SLAMF9: variants seen among roughly 807,000 people sequenced by gnomAD.
SLAMF9 encodes CD2 family member 10.
In SLAMF9, 25 loss-of-function variants were observed where a neutral mutation model predicts 30.4. The observed-to-expected ratio is 0.82, with a 90% CI of 0.60 to 1.15. SLAMF9 has a LOEUF of 1.15. Ranked by LOEUF, SLAMF9 falls within the 50% of genes most tolerant of loss-of-function variation. The pLI is 0.00. For synonymous variants in SLAMF9, 129 were observed against 127.2 expected (o/e 1.01, Z -0.09); for missense variants, 344 against 346.1 (o/e 0.99, Z 0.05).
At chr1:159,968,550 C>G in the SLAMF9 span, among the ~76,000 whole-genome samples, 1 of 152,240 alleles carries the variant, frequency 6.6e-6, no homozygotes, top group African/African-American at 2.4e-5. Context: ...TGGTACTCTT[C>G]TCTCTTGGTC....
chr1:159,955,261 C>A (rs1438044099), upstream of SLAMF9, among the ~76,000 whole-genome samples: 5 of 152,168 alleles, frequency 3.3e-5, no homozygotes, highest in African/African-American at 1.2e-4. Flanking sequence ...AGCTTCCTGG[C>A]AGTCAAAGCT....
chr1:159,955,860 A>T (rs1651911043), upstream of SLAMF9, among the ~76,000 whole-genome samples: 2 of 152,242 alleles, frequency 1.3e-5, no homozygotes, highest in South Asian at 4.1e-4. Context: ...AGTAGTTCTT[A>T]AATTTCAATT....
At position 159,953,475 on chromosome 1, in the gene SLAMF9, G is replaced by A. The variant is rs1470359174; in HGVS notation, c.225C>T (p.Ile75=). Residue 75 remains isoleucine, a synonymous_variant, in exon 2 of 4, where the codon ATC becomes ATT. Coordinates refer to ENST00000368093, the MANE Select transcript of SLAMF9 (RefSeq NM_033438.4). ...VPGKEGHPAT[I]MVTNPHYQGQ... ...CCTGGTAGTGTGGATTGGTCACCATGATGGTAGCTGGATGTCCCTCTTTCC... is the reference window on the plus strand; with the variant it reads ...CCTGGTAGTGTGGATTGGTCACCATAATGGTAGCTGGATGTCCCTCTTTCC... The A allele has an allele frequency of 1.2e-6, 2 of 1,614,090 alleles. No homozygotes were observed. The highest frequency in any genetic ancestry group is 1.3e-5 in the African/African-American group (1 of 74,936).
At chr1:159,966,314 C>T in the SLAMF9 span, among the ~76,000 whole-genome samples, 1 of 152,110 alleles carries the variant, frequency 6.6e-6, no homozygotes, top group Non-Finnish European at 1.5e-5. Flanking sequence ...ATTAGTATTC[C>T]ATTGTGTGTA....
chr1:159,963,786 C>T, the SLAMF9 span, among the ~76,000 whole-genome samples: 8 of 152,102 alleles, frequency 5.3e-5, no homozygotes, highest in East Asian at 3.9e-4. Context: ...TTGGGCCAGG[C>T]GCAGTGGCTC....
chr1:159,958,630 T>A (rs2820555), upstream of SLAMF9, among the ~76,000 whole-genome samples: 91,118 of 151,742 alleles, frequency 0.6, 30,045 homozygotes, highest in East Asian at 0.97. Context: ...CCAGCTAAGT[T>A]TTTTAATTTT....
the SLAMF9 span, among the ~76,000 whole-genome samples, chr1:159,968,318 T>C: frequency 3.3e-5 from 5 of 152,208 alleles, no homozygotes; most frequent in African/African-American, 1.2e-4. Flanking sequence ...CCCATCTCAT[T>C]TTTGTAATTC....
chr1:159,959,758 T>C, the SLAMF9 span, among the ~76,000 whole-genome samples: 1 of 152,150 alleles, frequency 6.6e-6, no homozygotes, highest in African/African-American at 2.4e-5. Flanking sequence ...AGTCTCTTTC[T>C]TGATCTCCCT....
the SLAMF9 span, among the ~76,000 whole-genome samples, chr1:159,963,636 G>A: frequency 6.6e-6 from 1 of 152,272 alleles, no homozygotes; most frequent in East Asian, 1.9e-4. Flanking sequence ...CAATGTGTCT[G>A]CCCTTCTTTC....
chr1:159,962,310 G>A, the SLAMF9 span, among the ~76,000 whole-genome samples: 2 of 151,602 alleles, frequency 1.3e-5, no homozygotes, highest in Non-Finnish European at 2.9e-5. Flanking sequence ...CTCACTGGGG[G>A]TATATAGACC....
In SLAMF9 at chr1:159,952,517, G is replaced by A; in HGVS notation, c.409C>T (p.Gln137Ter). The change falls in exon 3 of 4, where the codon CAG becomes TAG. Residue 137 changes from glutamine (Q) to a stop codon, truncating the protein, a stop_gained. Transcript: ENST00000368093. LOFTEE classifies it high-confidence loss of function. ...GAACTCTCAAAGTTCACAGTGATCT[G>A]GGGCTCTGACAGCCATCCTGGATGA... ...ICVYRWLSEP[Q>*]ITVNFESSGE... 4 of 1,613,780 alleles carry A rather than the reference G, an allele frequency of 2.5e-6. No individual in the cohort carries two copies. The highest frequency in any genetic ancestry group is 3.4e-6 in the Non-Finnish European group (4 of 1,179,856).
chr1:159,973,764 T>C, the SLAMF9 span: 1 of 1,607,320 alleles, frequency 6.2e-7, no homozygotes, highest in Non-Finnish European at 8.5e-7. Flanking sequence ...GAGAGGCACC[T>C]CCTGCCCCAC....
the SLAMF9 span, among the ~76,000 whole-genome samples, chr1:159,966,882 G>C: frequency 1.8e-4 from 28 of 152,026 alleles, no homozygotes; most frequent in African/African-American, 6.8e-4. Flanking sequence ...CAGATGTATA[G>C]TTTGAAAATA....
the SLAMF9 span, among the ~76,000 whole-genome samples, chr1:159,965,910 T>C: frequency 6.6e-6 from 1 of 152,254 alleles, no homozygotes; most frequent in Non-Finnish European, 1.5e-5. Flanking sequence ...TCCAAGTGAT[T>C]AAATCAAGCT....
chr1:159,956,796 C>T (rs1425685295), upstream of SLAMF9, among the ~76,000 whole-genome samples: 1 of 152,116 alleles, frequency 6.6e-6, no homozygotes, highest in East Asian at 1.9e-4. Flanking sequence ...ACAAATACCA[C>T]ATAAGTTCAC....
At chr1:159,964,469 G>A in the SLAMF9 span, among the ~76,000 whole-genome samples, 3 of 152,186 alleles carry the variant, frequency 2.0e-5, no homozygotes, top group African/African-American at 4.8e-5. Flanking sequence ...CAACCACAGA[G>A]AGCCTGCTTT....
chr1:159,973,206 C>T, the SLAMF9 span: 2 of 1,362,326 alleles, frequency 1.5e-6, no homozygotes, highest in Non-Finnish European at 2.1e-6. Flanking sequence ...CTTTGTTTGA[C>T]ATCTCAGGGT....
the SLAMF9 span, among the ~76,000 whole-genome samples, chr1:159,964,471 G>A: frequency 5.9e-5 from 9 of 152,168 alleles, no homozygotes; most frequent in Non-Finnish European, 1.2e-4. Context: ...ACCACAGAGA[G>A]CCTGCTTTTA....
At chr1:159,964,469 G>C in the SLAMF9 span, among the ~76,000 whole-genome samples, 2 of 152,186 alleles carry the variant, frequency 1.3e-5, no homozygotes, top group African/African-American at 4.8e-5. Flanking sequence ...CAACCACAGA[G>C]AGCCTGCTTT....
Sources: gnomAD v4.1 joint callset for allele counts (sites outside exome capture counted in the v4.1 genomes callset) on GRCh38, gnomAD v4.1.1 for gene constraint, MANE v1.5 for transcripts, NCBI Gene and HGNC (gene_info 2026-07-23, HGNC 2026-07-21) for gene names.